The following PUDP variants were observed in gnomAD, a reference collection of about 807,000 sequenced individuals.
PUDP encodes the protein pseudouridine 5'-phosphatase.
A neutral mutation model predicts 9.4 loss-of-function variants in PUDP; 8 were observed. The ratio of observed to expected loss-of-function variants is 0.85; its 90% confidence interval spans 0.50 to 1.53. The LOEUF is 1.53. Among genes scored for constraint, PUDP ranks in the 40% most tolerant of loss-of-function variants. The pLI is 0.00. For synonymous variants in PUDP, 99 were observed against 80.7 expected, an observed-to-expected ratio of 1.23 and a Z score of -1.22; for missense variants, 188 against 189.7, an observed-to-expected ratio of 0.99 and a Z score of 0.05.
intron 3 of PUDP, among the ~76,000 whole-genome samples, chrX:6,727,790 C>A (rs1216287559): frequency 9.0e-6 from 1 of 111,539 alleles, no homozygotes; most frequent in Non-Finnish European, 1.9e-5. Context: ...GGTGGTGCAA[C>A]AGCACAGGTG....
At chrX:6,968,455 G>C (rs1259676711) in intron 3 of PUDP, among the ~76,000 whole-genome samples, 4 of 111,122 alleles carry the variant, frequency 3.6e-5, no homozygotes, top group Non-Finnish European at 7.5e-5. Flanking sequence ...GGGCAGGGGG[G>C]TGTGAGTCAC....
intron 3 of PUDP, among the ~76,000 whole-genome samples, chrX:6,782,658 G>A (rs774668332): frequency 1.8e-5 from 2 of 112,063 alleles, no homozygotes; most frequent in South Asian, 3.8e-4. Flanking sequence ...TCCACCATAC[G>A]ATTGGTCTCC....
intron 1 of PUDP, among the ~76,000 whole-genome samples, chrX:7,024,080 T>G (rs1395796828): frequency 2.7e-5 from 3 of 111,970 alleles, no homozygotes; most frequent in Non-Finnish European, 5.6e-5. Context: ...TTAATAATAG[T>G]TCTAGTAGCT....
chrX:6,795,750 G>C (rs182416642), intron 3 of PUDP, among the ~76,000 whole-genome samples: 22 of 111,717 alleles, frequency 2.0e-4, no homozygotes, highest in African/African-American at 7.2e-4. Flanking sequence ...TTGCAATACA[G>C]GCAGAAACGC....
chrX:7,029,819 T>C, intron 1 of PUDP, among the ~76,000 whole-genome samples: 1 of 111,968 alleles, frequency 8.9e-6, no homozygotes, highest in Non-Finnish European at 1.9e-5. Context: ...ATGATGGAGA[T>C]TGGGAGCAGG....
At chrX:6,740,433 G>A (rs1426590497) in intron 3 of PUDP, among the ~76,000 whole-genome samples, 1 of 111,216 alleles carries the variant, frequency 9.0e-6, no homozygotes, top group Non-Finnish European at 1.9e-5. Flanking sequence ...CTATTTTATA[G>A]AGTTGTTTCT....
chrX:6,780,773 C>T (rs780521341), intron 3 of PUDP, among the ~76,000 whole-genome samples: 1 of 110,873 alleles, frequency 9.0e-6, no homozygotes, highest in South Asian at 3.9e-4. Context: ...CCACCAAAAA[C>T]AGGCCGGGTG....
At chrX:6,786,324 T>TC (rs1206514077) in intron 3 of PUDP, among the ~76,000 whole-genome samples, 2 of 111,772 alleles carry the variant, frequency 1.8e-5, no homozygotes, top group African/African-American at 3.2e-5. Context: ...TCTGTTTTTT[T>TC]AGTATCATGA....
At position 6,933,719 on chromosome X, in the gene PUDP, A is replaced by G. The variant is rs766436629; in HGVS notation, c.*247+43414T>C. Among the ~76,000 whole-genome samples, 233 of 94,866 alleles carry G rather than the reference A, an allele frequency of 2.5e-3. 1 individual carries two copies. The highest frequency in any genetic ancestry group is 7.5e-3 in the African/African-American group (221 of 29,593). 82.4% of individuals were successfully genotyped at this position (94,866 alleles called of 115,157 possible). ...AGGACATTCAAACCAAAGGCAAAGA[A>G]GTTGAAAATTTTGAAAAAAATTTAG... On this transcript the variant is annotated intron_variant and NMD_transcript_variant, in intron 3 of 3. Coordinates refer to the PUDP transcript ENST00000655425.
chrX:6,738,494 C>T (rs1924899608), intron 3 of PUDP, among the ~76,000 whole-genome samples: 1 of 111,779 alleles, frequency 8.9e-6, no homozygotes, highest in Admixed American at 9.5e-5. Flanking sequence ...GCGTGGAATC[C>T]AGGCATATGT....
At chrX:6,846,957 G>A (rs1209682692) in intron 3 of PUDP, among the ~76,000 whole-genome samples, 1 of 111,035 alleles carries the variant, frequency 9.0e-6, no homozygotes, top group African/African-American at 3.3e-5. Context: ...CTAGTTCAGG[G>A]TCATAATCCA....
At chrX:7,016,233 TG>T (rs1344387003) in intron 1 of PUDP, among the ~76,000 whole-genome samples, 1 of 110,974 alleles carries the variant, frequency 9.0e-6, no homozygotes, top group East Asian at 2.9e-4. Context: ...CTTGAGAGGC[TG>T]AGGCGGGAGG....
chrX:6,913,328 T>C (rs1927876301), intron 3 of PUDP, among the ~76,000 whole-genome samples: 1 of 112,042 alleles, frequency 8.9e-6, no homozygotes, highest in African/African-American at 3.2e-5. Context: ...ATATATATTA[T>C]ATTTTGGATC....
chrX:6,926,699 A>C (rs1013147992), intron 3 of PUDP, among the ~76,000 whole-genome samples: 5 of 111,831 alleles, frequency 4.5e-5, no homozygotes, highest in African/African-American at 1.6e-4. Flanking sequence ...CAGAGCTACC[A>C]AAAATAAAAC....
intron 3 of PUDP, among the ~76,000 whole-genome samples, chrX:6,776,374 ATAC>A (rs1925461917): frequency 2.8e-5 from 3 of 105,443 alleles, no homozygotes; most frequent in African/African-American, 6.9e-5. Context: ...TCCACTAAAA[ATAC>A]AAAAATTAGC....
chrX:7,144,068 T>C (rs1320683339), intron 1 of PUDP, among the ~76,000 whole-genome samples: 1 of 112,066 alleles, frequency 8.9e-6, no homozygotes. Context: ...ACGATCTCAT[T>C]CCAACTAGGA....
intron 1 of PUDP, among the ~76,000 whole-genome samples, chrX:7,112,434 C>A (rs1309834226): frequency 1.2e-4 from 13 of 112,269 alleles, no homozygotes; most frequent in African/African-American, 4.2e-4. Context: ...GTGCATCTTG[C>A]ACAACTGAAT....
At chrX:6,930,383 C>A (rs1437598808) in intron 3 of PUDP, among the ~76,000 whole-genome samples, 1 of 111,459 alleles carries the variant, frequency 9.0e-6, no homozygotes, top group Non-Finnish European at 1.9e-5. Flanking sequence ...AAGATAGTGA[C>A]AAAAGTGACC....
chrX:7,073,873 A>G lies in PUDP; in HGVS notation c.510+3347T>C, dbSNP rs1246737104. 3.5e-5 allele frequency among the ~76,000 whole-genome samples: 4 copies of G among 113,092 alleles called. No homozygotes were observed. In the East Asian group the frequency reaches 1.1e-3, roughly 31 times the overall value. ...AGCTAAATGACTTTTAAAAAATGCA[A>G]CTGCTCATTTTTCTTTGACAAGTCT... On this transcript the variant is annotated intron_variant, in intron 3 of 3. Coordinates refer to ENST00000381077, the MANE Select transcript of PUDP (RefSeq NM_012080.5).
Sources: allele counts gnomAD v4.1 joint callset (sites outside exome capture counted in the v4.1 genomes callset), GRCh38; gene constraint gnomAD v4.1.1; transcripts MANE v1.5; gene names NCBI Gene and HGNC (gene_info 2026-07-23, HGNC 2026-07-21).